ASCC2: variants seen among roughly 807,000 people sequenced by gnomAD.
ASCC2 encodes ASC-1 complex subunit P100.
A neutral mutation model predicts 93.5 loss-of-function variants in ASCC2; 42 were observed. The ratio of observed to expected loss-of-function variants is 0.45; its 90% confidence interval spans 0.35 to 0.58. ASCC2 has a LOEUF of 0.58. ASCC2 is among the 20% of genes least tolerant of loss of function. ASCC2 has a pLI of 0.00. For missense variants in ASCC2, 859 were observed against 977.6 expected (o/e 0.88, Z 1.62); for synonymous variants, 364 against 384.2 (o/e 0.95, Z 0.62).
intron 5 of ASCC2, among the ~76,000 whole-genome samples, chr22:29,820,070 G>GA (rs990159372): frequency 6.8e-5 from 10 of 146,470 alleles, no homozygotes; most frequent in Admixed American, 1.4e-4. Flanking sequence ...TCCCAGGCTG[G>GA]AAAAAAAAAA....
intron 18 of ASCC2, among the ~76,000 whole-genome samples, chr22:29,792,176 G>A (rs1293397347): frequency 2.0e-5 from 3 of 152,110 alleles, no homozygotes; most frequent in Admixed American, 2.0e-4. Flanking sequence ...CTAGGCTCCT[G>A]GGCCTAATAA....
intron 2 of ASCC2, among the ~76,000 whole-genome samples, chr22:29,828,828 A>G (rs2062769255): frequency 1.3e-5 from 2 of 152,250 alleles, no homozygotes; most frequent in African/African-American, 4.8e-5. Context: ...TGATAGTTTC[A>G]TGCATGCATA....
intron 7 of ASCC2, 41 bp from the exon 8 acceptor site, chr22:29,813,583 A>G (rs2060514717): frequency 1.5e-6 from 2 of 1,329,888 alleles, no homozygotes; most frequent in Non-Finnish European, 2.2e-6. Flanking sequence ...TCCTCTGTCC[A>G]CACATACAGA....
chr22:29,808,379 GAAGTGACCTAT>G (rs954090905), intron 8 of ASCC2, among the ~76,000 whole-genome samples, 194 bp from the exon 9 acceptor site: 2 of 152,178 alleles, frequency 1.3e-5, no homozygotes, highest in Non-Finnish European at 2.9e-5. Context: ...CAGCTCATAA[GAAGTGACCTAT>G]AGCCATGTCC....
In ASCC2 at chr22:29,804,673, C is replaced by T. The variant is rs773244594; in HGVS notation, c.1318G>A (p.Ala440Thr). ...TCCGAGTTCTCCGGATGTGATGATG[C>T]TTGACTGACTGCCTCTGCTGTCACC... ...VTVTAEAVSQASSHPENSEEE... is the reference protein window; with the variant it reads ...VTVTAEAVSQTSSHPENSEEE... The change falls in exon 13 of 20, where the codon GCA (alanine) becomes ACA (threonine). Residue 440 changes from alanine to threonine, a missense_variant. Coordinates refer to ENST00000307790, the MANE Select transcript of ASCC2 (RefSeq NM_032204.5). 18 of 1,614,016 alleles carry T rather than the reference C, an allele frequency of 1.1e-5. No homozygotes were observed. The highest frequency in any genetic ancestry group is 1.7e-5 in the Admixed American group (1 of 59,992).
intron 17 of ASCC2, among the ~76,000 whole-genome samples, chr22:29,792,970 A>G (rs946167947): frequency 2.0e-5 from 3 of 151,996 alleles, no homozygotes; most frequent in Non-Finnish European, 4.4e-5. Context: ...CATAGTGAGA[A>G]CCCCACCTCC....
rs1305995569 is a variant in ASCC2 at position 29,789,162 on chromosome 22, C to G, written c.2125G>C (p.Ala709Pro). 12 of 1,614,156 alleles carry G rather than the reference C, an allele frequency of 7.4e-6. No homozygotes were observed. Among genetic ancestry groups the G allele is most frequent in the Non-Finnish European group, 9.3e-6 (11 of 1,180,010 alleles). ...KKGYRHDSST[A>P]VAGSPRGHGQ... ...TGGCCTCGGGGGCTGCCGGCCACTG[C>G]TGTTGAGCTGTCATGCCGGTACCTG... The change falls in exon 20 of 20, where the codon GCA becomes CCA. Residue 709 changes from alanine to proline, a missense_variant. By Grantham distance (27) the Ala-to-Pro change is conservative. Transcript: ENST00000307790.
chr22:29,809,427 C>T (rs996423241), intron 8 of ASCC2, among the ~76,000 whole-genome samples: 1 of 151,962 alleles, frequency 6.6e-6, no homozygotes, highest in African/African-American at 2.4e-5. Context: ...TGGGCTCAAG[C>T]GATCTTCCTG....
intron 8 of ASCC2, among the ~76,000 whole-genome samples, chr22:29,809,441 C>A (rs1759240846): frequency 6.6e-6 from 1 of 152,030 alleles, no homozygotes. Context: ...CTTCCTGCCT[C>A]AGCCTCCCAA....
In ASCC2 at chr22:29,821,903, T is replaced by C. The variant is rs192110325; in HGVS notation, c.541+432A>G. 605 of 445,432 alleles carry C rather than the reference T, an allele frequency of 1.4e-3. 3 individuals are homozygous for C. Among genetic ancestry groups the C allele is most frequent in the African/African-American group, 0.012 (569 of 48,816 alleles). 27.6% of individuals were successfully genotyped at this position (445,432 alleles called of 1,614,324 possible). A position where few individuals can be genotyped will look rare whatever the true frequency, so the allele number is the denominator to read the frequency against. The stretch of plus-strand genomic sequence containing the variant: ...AGTCCCAGGTACCTGGGAGGCTGAG[T>C]TGGGGGGATAGCTTTACTCCAGGAA... On this transcript the variant is annotated intron_variant, in intron 5 of 19. Coordinates refer to ENST00000307790, the MANE Select transcript of ASCC2 (RefSeq NM_032204.5).
intron 1 of ASCC2, chr22:29,833,753 G>T (rs1468864069): frequency 5.3e-6 from 2 of 374,768 alleles, no homozygotes; most frequent in East Asian, 8.7e-5. Flanking sequence ...TGATTAAACT[G>T]TCACCTCTTG....
intron 2 of ASCC2, 21 bp downstream of exon 2, chr22:29,832,224 G>A (rs779208345): frequency 6.3e-7 from 1 of 1,590,354 alleles, no homozygotes; most frequent in South Asian, 1.1e-5. Flanking sequence ...CAGGCTGAAT[G>A]GCCTTAAGTG....
rs770626003 is a variant in ASCC2, at chr22:29,838,204, G to GCCGCCGCCGCCT, written c.-45_-44insAGGCGGCGGCGG. 195 of 257,356 alleles carry GCCGCCGCCGCCT rather than the reference G, an allele frequency of 7.6e-4. 2 individuals are homozygous for GCCGCCGCCGCCT. The African/African-American group carries it at 0.024, about 31-fold the overall frequency. The allele number at this position is 257,356 out of a possible 1,614,324, so 15.9% of individuals were successfully genotyped here. ...TCGGCGGCTCCACCACCGGCTCTGT[G>GCCGCCGCCGCCT]CCGCCGCCGCCGCCGCCGCCGCCGA... On this transcript the variant is annotated 5_prime_UTR_variant, in exon 1 of 20. Coordinates refer to ENST00000307790, the MANE Select transcript of ASCC2 (RefSeq NM_032204.5).
Position 29,793,401 on chromosome 22 carries a change from G to A in ASCC2, c.1878C>T (p.Gly626=), listed in dbSNP as rs765854156. Residue 626 remains glycine, a synonymous_variant, in exon 17 of 20, where the codon GGC becomes GGT. Coordinates refer to ENST00000307790, the MANE Select transcript of ASCC2 (RefSeq NM_032204.5). ...CGTCATCAGAGTCTGCATCATTGGC[G>A]CCCACCTGGTTGCCATCGTATGTGT... is the stretch of plus-strand genomic sequence containing the variant. The part of the protein sequence containing the change: ...YDDTYDGNQV[G]ANDADSDDEL... The A allele has an allele frequency of 5.6e-6, 9 of 1,613,816 alleles. No individual in the cohort carries two copies. Among genetic ancestry groups the A allele is most frequent in the Non-Finnish European group, 7.6e-6 (9 of 1,180,026 alleles).
Position 29,815,996 on chromosome 22 carries a change from G to T in ASCC2, c.609+10C>A. On this transcript the variant is annotated intron_variant, in intron 6 of 19. Coordinates refer to ENST00000307790, the MANE Select transcript of ASCC2 (RefSeq NM_032204.5). ...CTCAACCTCCCCTGCGCAGGGCCAAGAGCTGGTACCTGAAGGATGGTAGGC... is the reference window on the plus strand; with the variant it reads ...CTCAACCTCCCCTGCGCAGGGCCAATAGCTGGTACCTGAAGGATGGTAGGC... 2 of 1,581,786 alleles carry T rather than the reference G, an allele frequency of 1.3e-6. No individual in the cohort carries two copies. Among genetic ancestry groups the T allele is most frequent in the Non-Finnish European group, 1.7e-6 (2 of 1,161,858 alleles).
rs1430276275 is a variant in ASCC2 at position 29,793,318 on chromosome 22, G to A, written c.1919+42C>T. Reference sequence around the variant, plus strand: ...GGGTGAGGGAGCCCCATGGGCCTGAGAGCTGCTCTGCCCTGGAACGCCACC... The same window carrying A: ...GGGTGAGGGAGCCCCATGGGCCTGAAAGCTGCTCTGCCCTGGAACGCCACC... On this transcript the variant is annotated intron_variant, in intron 17 of 19. Coordinates refer to ENST00000307790, the MANE Select transcript of ASCC2 (RefSeq NM_032204.5). 3 of 1,609,052 alleles carry A rather than the reference G, an allele frequency of 1.9e-6. No individual in the cohort carries two copies. In the African/African-American group the frequency reaches 4.0e-5, roughly 21 times the overall value.
chr22:29,827,864 C>T (rs1035637699), intron 2 of ASCC2, among the ~76,000 whole-genome samples: 1 of 138,280 alleles, frequency 7.2e-6, no homozygotes, highest in Non-Finnish European at 1.6e-5. Context: ...CTGACACACA[C>T]ACACACACAC....
chr22:29,793,434 C>T lies in ASCC2; in HGVS notation c.1845G>A (p.Glu615=). ...LPYHSVYYED[E]YDDTYDGNQV... is the part of the protein sequence containing the mutation. The stretch of plus-strand genomic sequence containing the variant: ...GGTTGCCATCGTATGTGTCATCGTA[C>T]TCATCCTCGTAGTAGACACTGTGGT... Residue 615 remains glutamate, a synonymous_variant, in exon 17 of 20, where the codon GAG becomes GAA. Transcript: ENST00000307790. 1.2e-6 allele frequency: 2 copies of T among 1,614,184 alleles called. No homozygotes were observed. The highest frequency in any genetic ancestry group is 1.7e-6 in the Non-Finnish European group (2 of 1,180,046).
intron 5 of ASCC2, among the ~76,000 whole-genome samples, chr22:29,820,837 C>T (rs533786052): frequency 7.1e-6 from 1 of 141,618 alleles, no homozygotes; most frequent in Admixed American, 7.6e-5. Flanking sequence ...ACCTGGGAGG[C>T]GGAGGTTGCG....
Sources: gnomAD v4.1 joint callset for allele counts (sites outside exome capture counted in the v4.1 genomes callset) on GRCh38, gnomAD v4.1.1 for gene constraint, MANE v1.5 for transcripts, NCBI Gene and HGNC (gene_info 2026-07-23, HGNC 2026-07-21) for gene names.